Variants in ZNF845 observed in about 807,000 individuals in gnomAD.
The protein encoded by ZNF845 is zinc finger protein 845.
ZNF845 carries 59 observed loss-of-function variants against 76.1 expected under a neutral mutation model. The observed-to-expected ratio is 0.78, with a 90% CI of 0.63 to 0.96. The LOEUF (loss-of-function observed/expected upper bound fraction) is 0.96, where lower values mean the gene tolerates loss of function less well. Among genes scored for constraint, ZNF845 ranks in the 40% least tolerant of loss-of-function variants. ZNF845 has a pLI of 0.00. For missense variants in ZNF845, 1,045 were observed against 1,172.8 expected (o/e 0.89, Z 1.59); for synonymous variants, 361 against 386.9 (o/e 0.93, Z 0.78).
At chr19:53,342,781 C>G (rs752330479) in intron 2 of ZNF845, among the ~76,000 whole-genome samples, 8 of 152,126 alleles carry the variant, frequency 5.3e-5, no homozygotes, top group Admixed American at 2.6e-4. Flanking sequence ...ATTATTTCAT[C>G]ACTCTGCTAT....
chr19:53,353,746 G>T lies in ZNF845; in HGVS notation c.*158G>T, dbSNP rs753622378. ...AACAAACTAGAAGTCACACTGGAGA[G>T]AAACCTTACAAGTGTACTGAGTGTG... On this transcript the variant is annotated 3_prime_UTR_variant, in exon 4 of 4. Coordinates refer to ENST00000458035, the MANE Select transcript of ZNF845 (RefSeq NM_138374.3). 6.7e-5 allele frequency: 102 copies of T among 1,526,076 alleles called. No individual in the cohort carries two copies. The highest frequency in any genetic ancestry group is 8.4e-5 in the Non-Finnish European group (96 of 1,141,638). The allele number at this position is 1,526,076 out of a possible 1,614,324, so 94.5% of individuals were successfully genotyped here. A position where few individuals can be genotyped will look rare whatever the true frequency, so the allele number is the denominator to read the frequency against.
rs1313186236 is a variant in ZNF845 at position 53,354,095 on chromosome 19, T to A, written c.*507T>A. ...CAGGAGACAAACTTCACAAGTATGA[T>A]GATTGCAGCAAAGCCTTTACTTCAC... On this transcript the variant is annotated 3_prime_UTR_variant, in exon 4 of 4. Transcript: ENST00000458035. 1.9e-6 allele frequency: 1 copy of A among 522,646 alleles called. No homozygotes were observed. Among genetic ancestry groups the A allele is most frequent in the Non-Finnish European group, 3.7e-6 (1 of 269,640 alleles). The allele number at this position is 522,646 out of a possible 1,614,324, so 32.4% of individuals were successfully genotyped here.
intron 1 of ZNF845, among the ~76,000 whole-genome samples, chr19:53,336,076 G>C (rs1490530040): frequency 2.0e-5 from 3 of 152,076 alleles, no homozygotes. Context: ...GTTGGGCATG[G>C]TGGCATGCAC....
At chr19:53,335,813 G>A (rs1477269422) in intron 1 of ZNF845, among the ~76,000 whole-genome samples, 1 of 151,982 alleles carries the variant, frequency 6.6e-6, no homozygotes, top group Non-Finnish European at 1.5e-5. Flanking sequence ...TGTTGGTCAG[G>A]CTGGTCTCAA....
rs146591045 is a variant in ZNF845 at position 53,355,012 on chromosome 19, C to T, written c.*1424C>T. ...TTGGCTCACTGCAGCCTCTGCCTTT[C>T]GGGTTTAAGTGATTCTCCTGCCTAC... On this transcript the variant is annotated 3_prime_UTR_variant, in exon 4 of 4. Transcript: ENST00000458035. 7.9e-5 allele frequency: 12 copies of T among 151,930 alleles called. No individual in the cohort carries two copies. The highest frequency in any genetic ancestry group is 7.7e-4 in the East Asian group (4 of 5,162). 9.4% of individuals were successfully genotyped at this position (151,930 alleles called of 1,614,324 possible).
intron 3 of ZNF845, among the ~76,000 whole-genome samples, chr19:53,345,855 G>T (rs1175038213): frequency 1.5e-5 from 2 of 135,466 alleles, no homozygotes; most frequent in Non-Finnish European, 3.2e-5. Context: ...TACTTTTTTA[G>T]TTTTTTTTTT....
intron 2 of ZNF845, among the ~76,000 whole-genome samples, chr19:53,343,604 A>G (rs1209889967): frequency 6.6e-6 from 1 of 152,158 alleles, no homozygotes; most frequent in Non-Finnish European, 1.5e-5. Flanking sequence ...CTATATATGC[A>G]CACCCACCTA....
intron 2 of ZNF845, among the ~76,000 whole-genome samples, chr19:53,344,236 C>T (rs1482271776): frequency 2.0e-5 from 3 of 152,128 alleles, no homozygotes; most frequent in Non-Finnish European, 4.4e-5. Context: ...ATGTCACTTG[C>T]ATTGTCAGTA....
Position 53,351,101 on chromosome 19 carries a change from A to G in ZNF845, c.426A>G (p.Ser142=), listed in dbSNP as rs370007608. The change falls in exon 4 of 4, where the codon TCA becomes TCG. Residue 142 remains serine (S), a synonymous_variant. Transcript: ENST00000458035. Reference sequence around the variant, plus strand: ...AGCCTATTAAAGATCAGCTTGGATCAAGCTTTCATTCGCATCTGCCTGAAC... The same window carrying G: ...AGCCTATTAAAGATCAGCTTGGATCGAGCTTTCATTCGCATCTGCCTGAAC... ...GNKPIKDQLG[S]SFHSHLPELH... is the part of the protein sequence containing the mutation. 6.8e-6 allele frequency: 11 copies of G among 1,614,230 alleles called. No homozygotes were observed. In the African/African-American group the frequency reaches 1.5e-4, roughly 22 times the overall value.
At position 53,348,847 on chromosome 19, in the gene ZNF845, A is replaced by ATTTTT. The variant is rs565694028; in HGVS notation, c.143-1950_143-1946dup. ...TTGCACCTTCTGACATTGTTAGTCA[A>ATTTTT]TTTTTTTTTTTTTTTTTTTTTTTTT... On this transcript the variant is annotated intron_variant, in intron 3 of 3. Coordinates refer to ENST00000458035, the MANE Select transcript of ZNF845 (RefSeq NM_138374.3). Among the ~76,000 whole-genome samples, 104 of 96,626 alleles carry ATTTTT rather than the reference A, an allele frequency of 1.1e-3. 2 individuals carry two copies. The highest frequency in any genetic ancestry group is 1.6e-3 in the East Asian group (5 of 3,190). 63.4% of individuals were successfully genotyped at this position (96,626 alleles called of 152,430 possible).
intron 2 of ZNF845, among the ~76,000 whole-genome samples, chr19:53,343,652 A>G (rs1281366467): frequency 4.6e-5 from 7 of 152,140 alleles, no homozygotes; most frequent in Non-Finnish European, 1.0e-4. Context: ...ACATACATAT[A>G]TACACACACG....
chr19:53,337,674 T>C (rs1186814370), intron 1 of ZNF845, among the ~76,000 whole-genome samples: 1 of 152,164 alleles, frequency 6.6e-6, no homozygotes, highest in African/African-American at 2.4e-5. Context: ...GTTAAAGTGA[T>C]TCTCCTGCCT....
chr19:53,351,668 A>G lies in ZNF845; in HGVS notation c.993A>G (p.Glu331=), dbSNP rs879156916. 1 of 1,613,810 alleles carries G rather than the reference A, an allele frequency of 6.2e-7. No homozygotes were observed. Among genetic ancestry groups the G allele is most frequent in the South Asian group, 1.1e-5 (1 of 91,070 alleles). Residue 331 remains glutamate, a synonymous_variant, in exon 4 of 4, where the codon GAA becomes GAG. Transcript: ENST00000458035. ...GAGAGAAATCTTACAAGTGTAATGA[A>G]TGTGGCAAGACCTTCAGTCAAACGT... ...HTGEKSYKCN[E]CGKTFSQTSY...
Position 53,354,421 on chromosome 19 carries a change from A to G in ZNF845, c.*833A>G, listed in dbSNP as rs1568745241. On this transcript the variant is annotated 3_prime_UTR_variant, in exon 4 of 4. Coordinates refer to ENST00000458035, the MANE Select transcript of ZNF845 (RefSeq NM_138374.3). ...CGGGGTGGCTCACGCCTGTAATCCCAGCACTTTGGGAGGCCAAGACCAATA... is the reference window on the plus strand; with the variant it reads ...CGGGGTGGCTCACGCCTGTAATCCCGGCACTTTGGGAGGCCAAGACCAATA... 4.1e-6 allele frequency: 1 copy of G among 246,890 alleles called. No homozygotes were observed. Among genetic ancestry groups the G allele is most frequent in the Non-Finnish European group, 8.3e-6 (1 of 120,570 alleles). 15.3% of individuals were successfully genotyped at this position (246,890 alleles called of 1,614,324 possible).
In ZNF845 at chr19:53,355,965, T is replaced by G. The variant is rs915348988; in HGVS notation, c.*2377T>G. 1 of 152,206 alleles carries G rather than the reference T, an allele frequency of 6.6e-6. No individual in the cohort carries two copies. The highest frequency in any genetic ancestry group is 1.5e-5 in the Non-Finnish European group (1 of 68,034). The allele number at this position is 152,206 out of a possible 1,614,324, so 9.4% of individuals were successfully genotyped here. On this transcript the variant is annotated 3_prime_UTR_variant, in exon 4 of 4. Coordinates refer to ENST00000458035, the MANE Select transcript of ZNF845 (RefSeq NM_138374.3). Reference sequence around the variant, plus strand: ...TTGAGTATGTTGAACCATCCTTGCATCCCATGAATAGGTAGCACTTGGATG... The same window carrying G: ...TTGAGTATGTTGAACCATCCTTGCAGCCCATGAATAGGTAGCACTTGGATG...
rs1433078038 is a variant in ZNF845 at position 53,355,240 on chromosome 19, A to ATTTG, written c.*1653_*1654insTTGT. On this transcript the variant is annotated 3_prime_UTR_variant, in exon 4 of 4. Coordinates refer to ENST00000458035, the MANE Select transcript of ZNF845 (RefSeq NM_138374.3). ...GATTTTCTATATAGAATGTCGTATC[A>ATTTG]TCTACAAGGAAATAATTTTTTTTTT... The ATTTG allele has an allele frequency of 2.0e-5, 3 of 151,456 alleles. No individual in the cohort carries two copies. The highest frequency in any genetic ancestry group is 4.4e-5 in the Non-Finnish European group (3 of 67,864). The allele number at this position is 151,456 out of a possible 1,614,324, so 9.4% of individuals were successfully genotyped here. A position where few individuals can be genotyped will look rare whatever the true frequency, so the allele number is the denominator to read the frequency against.
intron 3 of ZNF845, among the ~76,000 whole-genome samples, chr19:53,350,409 A>G (rs2085324704): frequency 6.6e-6 from 1 of 152,264 alleles, no homozygotes; most frequent in Non-Finnish European, 1.5e-5. Context: ...ATTTACCAAT[A>G]TAGTATATTG....
chr19:53,346,724 T>A (rs980322626), intron 3 of ZNF845, among the ~76,000 whole-genome samples: 4 of 152,196 alleles, frequency 2.6e-5, no homozygotes, highest in African/African-American at 9.6e-5. Flanking sequence ...CTTTCTCCAC[T>A]AGAACTCTTT....
intron 1 of ZNF845, 39 bp downstream of exon 1, chr19:53,333,831 C>A: frequency 1.3e-5 from 2 of 158,096 alleles, no homozygotes; most frequent in South Asian, 3.5e-4. Context: ...CTGCGCTTCC[C>A]AAGTCCCCGG....
Sources: allele counts gnomAD v4.1 joint callset (sites outside exome capture counted in the v4.1 genomes callset), GRCh38; gene constraint gnomAD v4.1.1; transcripts MANE v1.5; gene names NCBI Gene and HGNC (gene_info 2026-07-23, HGNC 2026-07-21).